Variants in FHIT observed in about 807,000 individuals in gnomAD.
FHIT encodes fragile histidine triad diadenosine triphosphatase.
Under a neutral mutation model 17.9 loss-of-function variants are expected in FHIT, and 19 were observed. The ratio of observed to expected loss-of-function variants is 1.06; its 90% confidence interval spans 0.74 to 1.56. The LOEUF (loss-of-function observed/expected upper bound fraction) is 1.56. FHIT is among the 40% of genes most tolerant of loss of function. FHIT has a pLI of 0.00. For synonymous variants in FHIT, 81 were observed against 69.7 expected, an observed-to-expected ratio of 1.16 and a Z score of -0.81; for missense variants, 248 against 189.2, an observed-to-expected ratio of 1.31 and a Z score of -1.82.
chr3:60,991,680 G>A (rs535475703), intron 3 of FHIT, among the ~76,000 whole-genome samples: 36 of 152,192 alleles, frequency 2.4e-4, no homozygotes, highest in Admixed American at 6.5e-4. Context: ...AAGTCTTCAC[G>A]TGAAAACTAT....
At chr3:60,476,543 G>A (rs757718930) in intron 5 of FHIT, among the ~76,000 whole-genome samples, 1 of 152,184 alleles carries the variant, frequency 6.6e-6, no homozygotes, top group Non-Finnish European at 1.5e-5. Context: ...GGTAAGCAAG[G>A]CTAGAAAGAT....
At chr3:60,603,543 C>G (rs531989974) in intron 4 of FHIT, among the ~76,000 whole-genome samples, 1 of 151,662 alleles carries the variant, frequency 6.6e-6, no homozygotes, top group East Asian at 1.9e-4. Context: ...TTGCTTTCTT[C>G]TGTATAATTT....
intron 5 of FHIT, among the ~76,000 whole-genome samples, chr3:60,093,733 G>C (rs961175320): frequency 3.9e-5 from 6 of 152,172 alleles, no homozygotes; most frequent in Non-Finnish European, 8.8e-5. Context: ...GATTTAGAAT[G>C]CGGGCTCCTT....
chr3:60,293,463 C>T lies in FHIT; in HGVS notation c.103+243397G>A, dbSNP rs117225277. ...CTAATTTCCATGGAAGGAGATTAAG[C>T]GTATACTTTATCGACCTTCTCTGCC... is the stretch of plus-strand genomic sequence containing the variant. On this transcript the variant is annotated intron_variant, in intron 5 of 9. Transcript: ENST00000492590. 4.2e-3 allele frequency among the ~76,000 whole-genome samples: 639 copies of T among 152,202 alleles called. 14 individuals carry two copies. The South Asian group carries it at 0.051, about 12-fold the overall frequency.
At chr3:60,531,811 G>C (rs190761750) in intron 5 of FHIT, among the ~76,000 whole-genome samples, 9 of 152,182 alleles carry the variant, frequency 5.9e-5, no homozygotes, top group Admixed American at 2.0e-4. Context: ...ACATGGTAAC[G>C]GTCTGAAAAC....
intron 5 of FHIT, among the ~76,000 whole-genome samples, chr3:60,366,206 C>T (rs1043451133): frequency 6.6e-6 from 1 of 152,172 alleles, no homozygotes; most frequent in Non-Finnish European, 1.5e-5. Context: ...GATGGAGTCT[C>T]ACTCTGTCAC....
intron 5 of FHIT, among the ~76,000 whole-genome samples, chr3:60,363,758 C>T (rs926050907): frequency 6.6e-6 from 1 of 152,052 alleles, no homozygotes; most frequent in African/African-American, 2.4e-5. Flanking sequence ...TCCCTGGCCC[C>T]CCTGGCCCCC....
intron 3 of FHIT, among the ~76,000 whole-genome samples, chr3:61,026,449 C>T (rs927475119): frequency 3.9e-5 from 6 of 152,148 alleles, no homozygotes; most frequent in East Asian, 1.9e-4. Context: ...GTTACCATGG[C>T]GCCTGGCTCA....
At chr3:60,329,377 C>A (rs1223268705) in intron 5 of FHIT, among the ~76,000 whole-genome samples, 1 of 152,188 alleles carries the variant, frequency 6.6e-6, no homozygotes, top group Non-Finnish European at 1.5e-5. Flanking sequence ...CCCTGGCAAT[C>A]TGAACCACTA....
At chr3:60,002,209 G>A (rs1170624498) in intron 7 of FHIT, among the ~76,000 whole-genome samples, 1 of 152,036 alleles carries the variant, frequency 6.6e-6, no homozygotes, top group Non-Finnish European at 1.5e-5. Context: ...GGAAAGAAAT[G>A]GAAGTTTTCA....
chr3:60,030,715 A>G (rs1700963489), intron 5 of FHIT, among the ~76,000 whole-genome samples: 1 of 152,090 alleles, frequency 6.6e-6, no homozygotes, highest in Admixed American at 6.6e-5. Flanking sequence ...TTGGTGGGTC[A>G]ATGGATGGAT....
intron 5 of FHIT, among the ~76,000 whole-genome samples, chr3:60,368,370 G>T (rs910108684): frequency 6.6e-6 from 1 of 151,764 alleles, no homozygotes; most frequent in Non-Finnish European, 1.5e-5. Context: ...TTTTGAATGT[G>T]CACTTTCATG....
chr3:60,322,994 A>AAATG (rs1277298563), intron 5 of FHIT, among the ~76,000 whole-genome samples: 2 of 152,224 alleles, frequency 1.3e-5, no homozygotes, highest in African/African-American at 4.8e-5. Flanking sequence ...GACATACAGG[A>AAATG]AATGTAAGAT....
chr3:60,703,292 T>C (rs1553702695), intron 4 of FHIT, among the ~76,000 whole-genome samples: 1 of 152,210 alleles, frequency 6.6e-6, no homozygotes, highest in African/African-American at 2.4e-5. Flanking sequence ...AGGATGTCCC[T>C]GCTGGTACCT....
At chr3:60,756,372 A>G (rs1417527043) in intron 4 of FHIT, among the ~76,000 whole-genome samples, 1 of 152,228 alleles carries the variant, frequency 6.6e-6, no homozygotes, top group Non-Finnish European at 1.5e-5. Flanking sequence ...TTCACCACAC[A>G]AAAGTGCTGT....
chr3:60,161,441 C>T (rs1211006773), intron 5 of FHIT, among the ~76,000 whole-genome samples: 1 of 152,092 alleles, frequency 6.6e-6, no homozygotes, highest in Non-Finnish European at 1.5e-5. Flanking sequence ...TTCATGTGCA[C>T]AATTATTAAT....
chr3:59,997,143 C>T (rs977514876), intron 7 of FHIT, among the ~76,000 whole-genome samples: 22 of 152,062 alleles, frequency 1.4e-4, no homozygotes, highest in African/African-American at 5.1e-4. Context: ...CTAGGCAACA[C>T]GTTTAAAAGA....
At chr3:59,905,941 A>G (rs928172503) in intron 8 of FHIT, among the ~76,000 whole-genome samples, 2 of 152,242 alleles carry the variant, frequency 1.3e-5, no homozygotes, top group Non-Finnish European at 2.9e-5. Flanking sequence ...AGTGCTTTGT[A>G]AAACTGTATG....
chr3:59,963,990 A>G (rs1363305365), intron 7 of FHIT, among the ~76,000 whole-genome samples: 1 of 152,252 alleles, frequency 6.6e-6, no homozygotes, highest in Non-Finnish European at 1.5e-5. Context: ...TTTATACAAC[A>G]GAAGCACAGC....
Sources: gnomAD v4.1 joint callset for allele counts (sites outside exome capture counted in the v4.1 genomes callset) on GRCh38, gnomAD v4.1.1 for gene constraint, MANE v1.5 for transcripts, NCBI Gene and HGNC (gene_info 2026-07-23, HGNC 2026-07-21) for gene names.